The following FAT3 variants were observed in gnomAD, a reference collection of about 807,000 sequenced individuals.
The protein encoded by FAT3 is FAT atypical cadherin 3, also known as protocadherin Fat 3.
Under a neutral mutation model 310.2 loss-of-function variants are expected in FAT3, and 95 were observed. That is an observed-to-expected ratio of 0.31 (90% confidence interval 0.26 to 0.36). FAT3 has a LOEUF of 0.36. Ranked by LOEUF, FAT3 falls within the 10% of genes least tolerant of loss-of-function variation. The pLI, the probability that FAT3 is intolerant of heterozygous loss-of-function variation, is 1.00. For missense variants in FAT3, 5,408 were observed against 5,715.6 expected (o/e 0.95, Z 1.74); for synonymous variants, 2,314 against 2,192.9 (o/e 1.06, Z -1.54).
At chr11:92,701,358 A>G (rs896406013) in intron 4 of FAT3, among the ~76,000 whole-genome samples, 1 of 152,218 alleles carries the variant, frequency 6.6e-6, no homozygotes, top group African/African-American at 2.4e-5. Flanking sequence ...TTGATGGTGT[A>G]TGGGCTGCAA....
rs148326346 is a variant in FAT3 at position 92,426,296 on chromosome 11, A to G, written c.3292+70892A>G. On this transcript the variant is annotated intron_variant, in intron 2 of 27. Transcript: ENST00000525166. ...TGGATATTAGCCCTTTGTCAGATGG[A>G]TAGATTGCAAAAATGTTCTCCAATT... 3.9e-3 allele frequency among the ~76,000 whole-genome samples: 599 copies of G among 152,096 alleles called. 7 individuals carry two copies. Among genetic ancestry groups the G allele is most frequent in the African/African-American group, 0.014 (581 of 41,504 alleles).
intron 13 of FAT3, among the ~76,000 whole-genome samples, chr11:92,817,780 T>C (rs961853379): frequency 1.3e-4 from 20 of 152,312 alleles, no homozygotes; most frequent in East Asian, 3.9e-4. Context: ...CACTAACGAT[T>C]GTTAGATGGA....
At chr11:92,474,146 G>A (rs1951985638) in intron 2 of FAT3, among the ~76,000 whole-genome samples, 1 of 152,164 alleles carries the variant, frequency 6.6e-6, no homozygotes, top group Non-Finnish European at 1.5e-5. Flanking sequence ...ACCCTGTGCT[G>A]AGGCTCACTC....
intron 22 of FAT3, among the ~76,000 whole-genome samples, chr11:92,871,553 C>T (rs1006014061): frequency 6.6e-6 from 1 of 152,182 alleles, no homozygotes; most frequent in Non-Finnish European, 1.5e-5. Context: ...CTCTAAGATG[C>T]ATCAGCATCA....
intron 2 of FAT3, among the ~76,000 whole-genome samples, chr11:92,483,837 A>G (rs1952301550): frequency 6.6e-6 from 1 of 152,174 alleles, no homozygotes; most frequent in African/African-American, 2.4e-5. Context: ...TTATGTATTA[A>G]ATTCTTCAAA....
intron 1 of FAT3, among the ~76,000 whole-genome samples, chr11:92,232,843 A>G (rs1864246986): frequency 6.6e-6 from 1 of 152,034 alleles, no homozygotes; most frequent in South Asian, 2.1e-4. Flanking sequence ...AGCAACTTAG[A>G]AGTAATTAGA....
intron 2 of FAT3, among the ~76,000 whole-genome samples, chr11:92,448,484 T>A (rs1434871390): frequency 2.0e-5 from 3 of 152,200 alleles, no homozygotes; most frequent in African/African-American, 7.2e-5. Flanking sequence ...GACTTATCAT[T>A]CTTACTAATC....
intron 3 of FAT3, among the ~76,000 whole-genome samples, chr11:92,573,433 C>T (rs1565424305): frequency 1.3e-5 from 2 of 152,066 alleles, no homozygotes; most frequent in East Asian, 1.9e-4. Context: ...CAGTCATTAC[C>T]GGTTGTAGCG....
At chr11:92,567,604 C>A (rs1266925643) in intron 3 of FAT3, among the ~76,000 whole-genome samples, 1 of 151,708 alleles carries the variant, frequency 6.6e-6, no homozygotes, top group Non-Finnish European at 1.5e-5. Flanking sequence ...TATTGCGGCA[C>A]TATTCACAAT....
chr11:92,756,773 A>C (rs747303715), intron 4 of FAT3, among the ~76,000 whole-genome samples: 1 of 152,072 alleles, frequency 6.6e-6, no homozygotes, highest in African/African-American at 2.4e-5. Flanking sequence ...TCAGTGTCTG[A>C]CCATTTTTGG....
At chr11:92,451,446 G>GAATAATAATTAATATAATAACT in intron 2 of FAT3, among the ~76,000 whole-genome samples, 1 of 152,114 alleles carries the variant, frequency 6.6e-6, no homozygotes, top group South Asian at 2.1e-4. Flanking sequence ...TTGAAAATTA[G>GAATAATAATTAATATAATAACT]AATAATTAAG....
intron 2 of FAT3, among the ~76,000 whole-genome samples, chr11:92,456,280 G>T (rs372693088): frequency 1.3e-5 from 2 of 152,172 alleles, no homozygotes; most frequent in African/African-American, 4.8e-5. Flanking sequence ...GGAGCAATTA[G>T]CTATTGTTTA....
chr11:92,426,448 C>G (rs1245997999), intron 2 of FAT3, among the ~76,000 whole-genome samples: 1 of 152,132 alleles, frequency 6.6e-6, no homozygotes, highest in Non-Finnish European at 1.5e-5. Context: ...GAAGTCTTTG[C>G]CCATGCCTAT....
chr11:92,753,684 C>T (rs1399945928), intron 4 of FAT3, among the ~76,000 whole-genome samples: 4 of 151,574 alleles, frequency 2.6e-5, no homozygotes, highest in Admixed American at 2.6e-4. Flanking sequence ...AATGGAACTA[C>T]CATATGAACC....
In FAT3 at chr11:92,840,575, T is replaced by C. The variant is rs1565640162; in HGVS notation, c.10382T>C (p.Val3461Ala). The change falls in exon 18 of 28, where the codon GTG becomes GCG. Residue 3461 changes from valine to alanine, a missense_variant. Coordinates refer to ENST00000525166, the MANE Select transcript of FAT3 (RefSeq NM_001367949.2). ...YTAVIQENKP[V>A]GTSILQLVVT... ...TCTTTTATGCAGGAAAATAAGCCAG[T>C]GGGCACCAGCATCTTGCAGCTGGTG... 1.9e-6 allele frequency: 3 copies of C among 1,591,172 alleles called. No homozygotes were observed. Among genetic ancestry groups the C allele is most frequent in the African/African-American group, 2.7e-5 (2 of 74,668 alleles).
chr11:92,567,198 A>C, intron 3 of FAT3, among the ~76,000 whole-genome samples: 1 of 41,052 alleles, frequency 2.4e-5, no homozygotes, highest in East Asian at 4.0e-4. Flanking sequence ...CAAGAAAAAA[A>C]CAAAACCCCA....
intron 3 of FAT3, among the ~76,000 whole-genome samples, chr11:92,536,119 A>G (rs550342848): frequency 1.1e-3 from 174 of 152,232 alleles, no homozygotes; most frequent in African/African-American, 4.0e-3. Context: ...TTTTGTTCTT[A>G]GCTTCTTGAC....
chr11:92,686,784 C>T (rs1457423444), intron 3 of FAT3, among the ~76,000 whole-genome samples: 1 of 152,098 alleles, frequency 6.6e-6, no homozygotes, highest in East Asian at 1.9e-4. Flanking sequence ...GATTGCATGC[C>T]TACAAAGCAC....
chr11:92,441,906 C>G (rs1591296034), intron 2 of FAT3, among the ~76,000 whole-genome samples: 1 of 151,454 alleles, frequency 6.6e-6, no homozygotes, highest in South Asian at 2.1e-4. Context: ...AAGGATACCC[C>G]CAAGACTTAG....
Sources: gnomAD v4.1 joint callset for allele counts (sites outside exome capture counted in the v4.1 genomes callset) on GRCh38, gnomAD v4.1.1 for gene constraint, MANE v1.5 for transcripts, NCBI Gene and HGNC (gene_info 2026-07-23, HGNC 2026-07-21) for gene names.